Variants in ULK1 observed in about 807,000 individuals in gnomAD.
ULK1 encodes the protein serine/threonine-protein kinase ULK1.
ULK1 carries 48 observed loss-of-function variants against 117.5 expected under a neutral mutation model. That is an observed-to-expected ratio of 0.41 (90% CI 0.32 to 0.52). ULK1 has a LOEUF of 0.52. ULK1 is among the 20% of genes least tolerant of loss of function. The pLI is 0.29. For missense variants in ULK1, 1,387 were observed against 1,473.4 expected (o/e 0.94, Z 0.96); for synonymous variants, 790 against 637.8 (o/e 1.24, Z -3.60).
rs149895032 is a variant in ULK1 at position 131,915,973 on chromosome 12, C to T, written c.1692C>T (p.His564=). The T allele has an allele frequency of 7.4e-5, 120 of 1,612,376 alleles. No homozygotes were observed. Among genetic ancestry groups the T allele is most frequent in the Admixed American group, 2.8e-4 (17 of 59,978 alleles). ...LHSAPNLSDL[H]VVRPKLPKPP... ...GCGCCCCCAACCTGTCTGACTTGCA[C>T]GTCGTCCGCCCCAAGCTGCCCAAAC... Residue 564 remains histidine, a synonymous_variant, in exon 19 of 28, where the codon CAC becomes CAT. Coordinates refer to ENST00000321867, the MANE Select transcript of ULK1 (RefSeq NM_003565.4).
In ULK1 at chr12:131,899,284, G is replaced by A. The variant is rs573676946; in HGVS notation, c.246+3460G>A. Among the ~76,000 whole-genome samples, 358 of 151,282 alleles carry A rather than the reference G, an allele frequency of 2.4e-3. 3 individuals carry two copies. The highest frequency in any genetic ancestry group is 3.7e-3 in the Admixed American group (56 of 15,168). On this transcript the variant is annotated intron_variant, in intron 3 of 27. Coordinates refer to ENST00000321867, the MANE Select transcript of ULK1 (RefSeq NM_003565.4). ...ACTCACTGCAATCTCCGCCTCCCGG[G>A]TTCAAGCGATTCTCCTGCCTCAGCC... is the stretch of plus-strand genomic sequence containing the variant.
intron 22 of ULK1, 142 bp from the exon 23 acceptor site, chr12:131,918,355 C>A: frequency 1.9e-6 from 2 of 1,035,186 alleles, no homozygotes; most frequent in Non-Finnish European, 1.4e-6. Context: ...CTGTGCTTCT[C>A]CTGTTGGAGC....
intron 5 of ULK1, 152 bp downstream of exon 5, chr12:131,907,683 A>T (rs1889331378): frequency 1.0e-6 from 1 of 965,822 alleles, no homozygotes; most frequent in African/African-American, 1.7e-5. Context: ...GGGCCTCTTG[A>T]GGGGATGCAG....
At chr12:131,895,238 G>T in intron 1 of ULK1, 126 bp downstream of exon 1, 1 of 684,674 alleles carries the variant, frequency 1.5e-6, no homozygotes, top group Non-Finnish European at 2.3e-6. Context: ...GACTTTCCAG[G>T]CCGACCCCCA....
chr12:131,904,118 C>T (rs1023287592), intron 3 of ULK1, among the ~76,000 whole-genome samples: 3 of 152,062 alleles, frequency 2.0e-5, no homozygotes, highest in Non-Finnish European at 4.4e-5. Flanking sequence ...GGGCCAGTCA[C>T]TGGTGCCACA....
At chr12:131,907,588 A>T in intron 5 of ULK1, 57 bp downstream of exon 5, 1 of 1,576,322 alleles carries the variant, frequency 6.3e-7, no homozygotes, top group Non-Finnish European at 8.6e-7. Flanking sequence ...GCCCGCACCC[A>T]GGGCCACACT....
chr12:131,902,917 G>A lies in ULK1; in HGVS notation c.247-3975G>A, dbSNP rs1488857156. Among the ~76,000 whole-genome samples, 1 of 152,130 alleles carries A rather than the reference G, an allele frequency of 6.6e-6. No homozygotes were observed. Among genetic ancestry groups the A allele is most frequent in the Non-Finnish European group, 1.5e-5 (1 of 68,004 alleles). ...TCTGGGAGCTTGCCCGGTCCCCACT[G>A]CCCAGGGTAGCTTGTGAAAACCAAA... On this transcript the variant is annotated intron_variant, in intron 3 of 27. Coordinates refer to ENST00000321867, the MANE Select transcript of ULK1 (RefSeq NM_003565.4). This position sits in a 1 kb window ranked among gnomAD's most constrained non-coding sequence, Gnocchi z 6.3.
intron 3 of ULK1, chr12:131,897,462 C>T (rs1052042167): frequency 4.6e-5 from 7 of 152,178 alleles, no homozygotes; most frequent in Admixed American, 6.5e-5. Context: ...CCTTACAAGG[C>T]GATGTGTTCA....
Position 131,916,027 on chromosome 12 carries a change from C to T in ULK1, c.1746C>T (p.Phe582=). ...CCACGGACCCCCTGGGAGCTGTGTTCAGCCCACCACAGGCCAGCCCTCCCC... is the reference window on the plus strand; with the variant it reads ...CCACGGACCCCCTGGGAGCTGTGTTTAGCCCACCACAGGCCAGCCCTCCCC... ...KPPTDPLGAV[F]SPPQASPPQP... The change falls in exon 19 of 28, where the codon TTC becomes TTT. Residue 582 remains phenylalanine, a synonymous_variant. Coordinates refer to ENST00000321867, the MANE Select transcript of ULK1 (RefSeq NM_003565.4). 6.2e-7 allele frequency: 1 copy of T among 1,612,268 alleles called. No individual in the cohort carries two copies. The highest frequency in any genetic ancestry group is 8.5e-7 in the Non-Finnish European group (1 of 1,179,746).
chr12:131,907,781 C>T (rs894469329), intron 5 of ULK1, among the ~76,000 whole-genome samples: 1 of 152,054 alleles, frequency 6.6e-6, no homozygotes, highest in Admixed American at 6.6e-5. Context: ...CAGAATAGCC[C>T]GAGGGGAGCC....
In ULK1 at chr12:131,916,468, G is replaced by T. The variant is rs1283804838; in HGVS notation, c.1949G>T (p.Gly650Val). ...QNLLALLARQ[G>V]VVMTPPRNRT... ...CTGCTGGCCCTCCTAGCCCGGCAGG[G>T]CGTGGTGATGACGCCCCCTCGAAAC... Residue 650 changes from glycine (G) to valine (V), a missense_variant, in exon 20 of 28, where the codon GGC becomes GTC. Gly to Val is a moderately radical substitution (Grantham distance 109). Around this residue, in one of 4 missense-constraint regions of ULK1, gnomAD observed 900 missense variants for 858.9 expected, o/e 1.05. Coordinates refer to ENST00000321867, the MANE Select transcript of ULK1 (RefSeq NM_003565.4). 3 of 1,612,126 alleles carry T rather than the reference G, an allele frequency of 1.9e-6. No homozygotes were observed. Among genetic ancestry groups the T allele is most frequent in the Non-Finnish European group, 2.5e-6 (3 of 1,179,668 alleles).
chr12:131,913,749 G>A lies in ULK1; in HGVS notation c.1160G>A (p.Ser387Asn). ...PPPDSLMCSG[S>N]SLVASAGLES... ...TTGGCCTCCCTTCTGCCCCACAGGA[G>A]CTCACTGGTGGCCTCTGCGGGCTTG... is the stretch of plus-strand genomic sequence containing the variant. Residue 387 changes from serine to asparagine, a missense_variant and splice_region_variant, in exon 15 of 28, where the codon AGC (serine) becomes AAC (asparagine). Ser to Asn is a conservative substitution (Grantham distance 46). Around this residue, in one of 4 missense-constraint regions of ULK1, gnomAD observed 260 missense variants for 271.6 expected, o/e 0.96. Coordinates refer to ENST00000321867, the MANE Select transcript of ULK1 (RefSeq NM_003565.4). 4 of 1,529,806 alleles carry A rather than the reference G, an allele frequency of 2.6e-6. No individual in the cohort carries two copies. The highest frequency in any genetic ancestry group is 2.2e-5 in the Admixed American group (1 of 46,416). The allele number at this position is 1,529,806 out of a possible 1,614,324, so 94.8% of individuals were successfully genotyped here. A position where few individuals can be genotyped will look rare whatever the true frequency, so the allele number is the denominator to read the frequency against.
chr12:131,918,228 T>G, intron 22 of ULK1: 35 of 509,148 alleles, frequency 6.9e-5, no homozygotes, highest in South Asian at 1.9e-4. Context: ...GGGCTGGGGG[T>G]CGGGATACCC....
intron 23 of ULK1, 120 bp downstream of exon 23, chr12:131,918,801 G>T: frequency 1.1e-6 from 1 of 898,238 alleles, no homozygotes; most frequent in Non-Finnish European, 1.6e-6. Context: ...TCGGGGGTGT[G>T]GGGTGTAGTG....
Position 131,915,155 on chromosome 12 carries a change from C to A in ULK1, c.1446C>A (p.Ala482=). 6.2e-7 allele frequency: 1 copy of A among 1,606,058 alleles called. No individual in the cohort carries two copies. The highest frequency in any genetic ancestry group is 1.1e-5 in the South Asian group (1 of 90,030). ...CAAGGGCCAGCCCCTCGCCCCCTGC[C>A]CACGCTGAGCATGGAGGCGTCCTGG... ...GFARASPSPP[A]HAEHGGVLAR... is the part of the protein sequence containing the mutation. The change falls in exon 17 of 28, where the codon GCC becomes GCA. Residue 482 remains alanine (A), a synonymous_variant. Coordinates refer to ENST00000321867, the MANE Select transcript of ULK1 (RefSeq NM_003565.4).
At position 131,921,667 on chromosome 12, in the gene ULK1, G is replaced by A. The variant is rs78957317; in HGVS notation, c.*306G>A. On this transcript the variant is annotated 3_prime_UTR_variant, in exon 28 of 28. Transcript: ENST00000321867. ...CACCCTCTAGCCCCAGGGCAGCCCCGGAGGACAGGCAAGGGCCTGAGACCA... is the reference window on the plus strand; with the variant it reads ...CACCCTCTAGCCCCAGGGCAGCCCCAGAGGACAGGCAAGGGCCTGAGACCA... 1,421 of 603,238 alleles carry A rather than the reference G, an allele frequency of 2.4e-3. 3 individuals are homozygous for A. The highest frequency in any genetic ancestry group is 6.9e-3 in the Middle Eastern group (21 of 3,046). 37.4% of individuals were successfully genotyped at this position (603,238 alleles called of 1,614,324 possible). A position where few individuals can be genotyped will look rare whatever the true frequency, so the allele number is the denominator to read the frequency against.
In ULK1 at chr12:131,919,284, G is replaced by A. The variant is rs1409702105; in HGVS notation, c.2584G>A (p.Ala862Thr). 2 of 1,597,718 alleles carry A rather than the reference G, an allele frequency of 1.3e-6. No individual in the cohort carries two copies. Among genetic ancestry groups the A allele is most frequent in the South Asian group, 2.2e-5 (2 of 90,674 alleles). ...LFVQHVLEIA[A>T]LKGSASEAAG... Reference sequence around the variant, plus strand: ...CGTGCAGCACGTCCTGGAGATCGCAGCCCTGAAGGGCAGCGCCAGTGAGGC... The same window carrying A: ...CGTGCAGCACGTCCTGGAGATCGCAACCCTGAAGGGCAGCGCCAGTGAGGC... The change falls in exon 24 of 28, where the codon GCC becomes ACC. Residue 862 changes from alanine to threonine, a missense_variant. Physicochemically the swap from Ala to Thr is moderately conservative, Grantham distance 58. Around this residue, in one of 4 missense-constraint regions of ULK1, gnomAD observed 900 missense variants for 858.9 expected, o/e 1.05. Transcript: ENST00000321867.
intron 8 of ULK1, among the ~76,000 whole-genome samples, chr12:131,909,566 G>T (rs555334992): frequency 1.3e-5 from 2 of 152,276 alleles, no homozygotes; most frequent in African/African-American, 2.4e-5. Context: ...GCCGCGTTCT[G>T]GGGGGTGGAC....
intron 13 of ULK1, 81 bp downstream of exon 13, chr12:131,912,170 G>A: frequency 6.6e-7 from 1 of 1,512,746 alleles, no homozygotes; most frequent in Non-Finnish European, 8.9e-7. Context: ...TGCACAGTGT[G>A]TAACACATTT....
Sources: gnomAD v4.1 joint callset for allele counts (sites outside exome capture counted in the v4.1 genomes callset) on GRCh38, gnomAD v4.1.1 for gene constraint, gnomAD v4.1.1 regional missense constraint, Gnocchi (gnomAD v3.1) non-coding constraint, MANE v1.5 for transcripts, NCBI Gene and HGNC (gene_info 2026-07-23, HGNC 2026-07-21) for gene names.